TMPRSS9: variants seen among roughly 807,000 people sequenced by gnomAD.
The protein encoded by TMPRSS9 is transmembrane protease serine 9.
TMPRSS9 carries 113 observed loss-of-function variants against 111.4 expected under a neutral mutation model. That is an observed-to-expected ratio of 1.01 (90% CI 0.87 to 1.19). TMPRSS9 has a LOEUF of 1.19. Among genes scored for constraint, TMPRSS9 ranks in the 50% most tolerant of loss-of-function variants. The pLI is 0.00. For synonymous variants in TMPRSS9, 805 were observed against 659.1 expected, an observed-to-expected ratio of 1.22 and a Z score of -3.39; for missense variants, 1,803 against 1,513.1, an observed-to-expected ratio of 1.19 and a Z score of -3.18.
intron 1 of TMPRSS9, among the ~76,000 whole-genome samples, chr19:2,377,748 T>TCG (rs1970351924): frequency 8.3e-6 from 1 of 120,618 alleles, no homozygotes; most frequent in African/African-American, 3.3e-5. Context: ...AAGGTCTCAC[T>TCG]GTCACCCAGG....
intron 11 of TMPRSS9, among the ~76,000 whole-genome samples, 193 bp downstream of exon 12, chr19:2,416,034 G>C (rs894401958): frequency 7.2e-5 from 11 of 152,182 alleles, no homozygotes; most frequent in Admixed American, 6.5e-4. Flanking sequence ...AACCAGGGGA[G>C]GGGGAGGAGG....
upstream of TMPRSS9, among the ~76,000 whole-genome samples, chr19:2,385,062 G>A (rs1177950883): frequency 6.6e-6 from 1 of 151,464 alleles, no homozygotes; most frequent in East Asian, 1.9e-4. Flanking sequence ...TTGGGAGGCC[G>A]AGGCGGGCGG....
exon 16 of TMPRSS9, chr19:2,425,152 G>A (rs2145428018): frequency 1.9e-6 from 3 of 1,574,828 alleles, no homozygotes; most frequent in South Asian, 1.1e-5. Context: ...TGGAGCTGGC[G>A]GGGCCGGTGC....
At chr19:2,364,344 G>A (rs368578777) in intron 1 of TMPRSS9, among the ~76,000 whole-genome samples, 18 of 152,306 alleles carry the variant, frequency 1.2e-4, no homozygotes, top group African/African-American at 4.1e-4. Context: ...GTTTCTGTGT[G>A]TTGCTCTGAA....
At chr19:2,396,468 T>C (rs1970709301) in intron 1 of TMPRSS9, 71 bp from the exon 3 acceptor site, 1 of 1,492,946 alleles carries the variant, frequency 6.7e-7, no homozygotes, top group Non-Finnish European at 9.0e-7. Flanking sequence ...GGGCGGGGCC[T>C]GGGTGGCAGC....
chr19:2,415,608 A>G, intron 10 of TMPRSS9, 62 bp from the exon 12 acceptor site: 1 of 1,405,356 alleles, frequency 7.1e-7, no homozygotes, highest in South Asian at 1.5e-5. Flanking sequence ...GGACCACCCC[A>G]CCGGATGCTC....
At chr19:2,393,784 G>A (rs1283531892) in intron 1 of TMPRSS9, among the ~76,000 whole-genome samples, 1 of 150,442 alleles carries the variant, frequency 6.6e-6, no homozygotes, top group Non-Finnish European at 1.5e-5. Context: ...TGTAATCCCA[G>A]CTACTCAGGA....
intron 1 of TMPRSS9, among the ~76,000 whole-genome samples, chr19:2,379,694 C>T (rs1239906532): frequency 2.4e-4 from 24 of 99,464 alleles, no homozygotes; most frequent in East Asian, 6.1e-4. Context: ...TCTTTCTTTC[C>T]TTCCTTCCTT....
chr19:2,390,116 T>G (rs1970553874), intron 1 of TMPRSS9, among the ~76,000 whole-genome samples, 189 bp downstream of exon 2: 1 of 152,010 alleles, frequency 6.6e-6, no homozygotes, highest in Non-Finnish European at 1.5e-5. Flanking sequence ...GTGTGTCAGT[T>G]TTCCCGACTA....
At chr19:2,384,979 CT>C (rs1970445604), upstream of TMPRSS9, among the ~76,000 whole-genome samples, 1 of 136,342 alleles carries the variant, frequency 7.3e-6, no homozygotes, top group Non-Finnish European at 1.5e-5. Flanking sequence ...CAAACTCCAT[CT>C]CAAAAAAAAA....
At chr19:2,420,014 T>A (rs919936890) in intron 13 of TMPRSS9, among the ~76,000 whole-genome samples, 48 of 151,946 alleles carry the variant, frequency 3.2e-4, no homozygotes, top group Middle Eastern at 3.4e-3. Context: ...AAAAAAAAAA[T>A]TTGTCAGGCA....
chr19:2,424,995 C>T lies in TMPRSS9; in HGVS notation c.2718-7C>T, dbSNP rs1361623090. 8 of 1,515,372 alleles carry T rather than the reference C, an allele frequency of 5.3e-6. No individual in the cohort carries two copies. The highest frequency in any genetic ancestry group is 7.0e-6 in the Non-Finnish European group (8 of 1,136,808). 93.9% of individuals were successfully genotyped at this position (1,515,372 alleles called of 1,614,324 possible). On this transcript the variant is annotated splice_region_variant and splice_polypyrimidine_tract_variant and intron_variant, in intron 15 of 17. Transcript: ENST00000648592. ...CGGGCCGACGCCTGTCCTCGCGCGC[C>T]CCGCAGCTACGGGGACCCCAAGCAG...
intron 1 of TMPRSS9, among the ~76,000 whole-genome samples, chr19:2,367,931 G>A (rs1970260667): frequency 2.6e-5 from 4 of 151,480 alleles, no homozygotes; most frequent in South Asian, 2.1e-4. Flanking sequence ...GGCTGGTCTC[G>A]AACTCTGGAT....
At chr19:2,372,208 C>A (rs1009715112) in intron 1 of TMPRSS9, among the ~76,000 whole-genome samples, 1 of 152,092 alleles carries the variant, frequency 6.6e-6, no homozygotes, top group Non-Finnish European at 1.5e-5. Flanking sequence ...TGAGATCCCA[C>A]GTCCATTCTT....
In TMPRSS9 at chr19:2,425,525, C is replaced by G. The variant is rs753343438; in HGVS notation, c.3120+32C>G. The G allele has an allele frequency of 2.7e-6, 4 of 1,507,406 alleles. No homozygotes were observed. In the South Asian group the frequency reaches 4.9e-5, roughly 18 times the overall value. 93.4% of individuals were successfully genotyped at this position (1,507,406 alleles called of 1,614,324 possible). A position where few individuals can be genotyped will look rare whatever the true frequency, so the allele number is the denominator to read the frequency against. ...CCCGCCCCGGCCCAGGGGACCAGGT[C>G]CCGCCCAGCCGCCGGGGAGGGCGGG... is the stretch of plus-strand genomic sequence containing the variant. On this transcript the variant is annotated intron_variant, in intron 17 of 17. Coordinates refer to ENST00000648592, the Ensembl canonical transcript of TMPRSS9.
intron 1 of TMPRSS9, among the ~76,000 whole-genome samples, chr19:2,380,918 C>G (rs1002280688): frequency 6.6e-6 from 1 of 152,136 alleles, no homozygotes; most frequent in Admixed American, 6.6e-5. Flanking sequence ...TGGAGGCTTA[C>G]TCAATTCCTA....
At chr19:2,424,624 C>T (rs1036985381) in intron 15 of TMPRSS9, among the ~76,000 whole-genome samples, 9 of 152,034 alleles carry the variant, frequency 5.9e-5, no homozygotes, top group African/African-American at 2.2e-4. Flanking sequence ...GCTCCAGCCC[C>T]CCAAAGCCCA....
exon 12 of TMPRSS9, chr19:2,416,541 G>A (rs559538031): frequency 8.7e-6 from 14 of 1,607,006 alleles, no homozygotes; most frequent in Admixed American, 8.3e-5. Flanking sequence ...TCCATAGCAC[G>A]AAGGTGGAGC....
intron 1 of TMPRSS9, among the ~76,000 whole-genome samples, chr19:2,371,856 C>T (rs1267673895): frequency 6.6e-6 from 1 of 152,152 alleles, no homozygotes; most frequent in African/African-American, 2.4e-5. Context: ...TCCTGCCTCC[C>T]GCCTGGGCCA....
Sources: gnomAD v4.1 joint callset for allele counts (sites outside exome capture counted in the v4.1 genomes callset) on GRCh38, gnomAD v4.1.1 for gene constraint, MANE v1.5 for transcripts, NCBI Gene and HGNC (gene_info 2026-07-23, HGNC 2026-07-21) for gene names.